Variants in SLC25A20 observed in about 807,000 individuals in gnomAD.
The protein encoded by SLC25A20 is solute carrier family 25 member 20, also known as mitochondrial carnitine/acylcarnitine carrier protein.
SLC25A20 carries 29 observed loss-of-function variants against 39.7 expected under a neutral mutation model. The ratio of observed to expected loss-of-function variants is 0.73; its 90% confidence interval spans 0.54 to 1.00. The LOEUF (loss-of-function observed/expected upper bound fraction) is 1.00, where lower values mean the gene tolerates loss of function less well. Among genes scored for constraint, SLC25A20 ranks in the 50% least tolerant of loss-of-function variants. The pLI, the probability that SLC25A20 is intolerant of heterozygous loss-of-function variation, is 0.00. For missense variants in SLC25A20, 333 were observed against 379.9 expected, an observed-to-expected ratio of 0.88 and a Z score of 1.03; for synonymous variants, 103 against 142.2, an observed-to-expected ratio of 0.72 and a Z score of 1.96.
Position 48,884,105 on chromosome 3 carries a change from C to G in SLC25A20, c.218G>C (p.Arg73Pro). ...LFREGITGLY[R>P]GMAAPIIGVT... ...CCCGATGATAGGGGCAGCCATTCCCCGATATAGCCCCGTGATGCCCTGCAA... is the reference window on the plus strand; with the variant it reads ...CCCGATGATAGGGGCAGCCATTCCCGGATATAGCCCCGTGATGCCCTGCAA... Residue 73 changes from arginine (R) to proline (P), a missense_variant, in exon 3 of 9, where the codon CGG becomes CCG. Arg to Pro is a moderately radical substitution (Grantham distance 103, BLOSUM62 -2). Transcript: ENST00000319017. The G allele has an allele frequency of 6.2e-7, 1 of 1,613,562 alleles. No individual in the cohort carries two copies. Among genetic ancestry groups the G allele is most frequent in the Non-Finnish European group, 8.5e-7 (1 of 1,179,678 alleles).
chr3:48,872,989 C>T (rs1384821811), intron 4 of SLC25A20, among the ~76,000 whole-genome samples: 7 of 152,032 alleles, frequency 4.6e-5, no homozygotes, highest in Non-Finnish European at 1.0e-4. Flanking sequence ...TTTGGGAGGC[C>T]GAGATGGGCA....
chr3:48,881,520 C>T (rs1421494220), intron 3 of SLC25A20, among the ~76,000 whole-genome samples: 1 of 152,168 alleles, frequency 6.6e-6, no homozygotes, highest in Non-Finnish European at 1.5e-5. Context: ...GAGCTAGACT[C>T]TCCTGGACTT....
chr3:48,859,071 A>G, intron 7 of SLC25A20, 21 bp downstream of exon 7: 1 of 1,599,832 alleles, frequency 6.3e-7, no homozygotes. Flanking sequence ...CCCCCTGTCC[A>G]CCCCACTACC....
chr3:48,867,709 G>A (rs2083682671), intron 4 of SLC25A20, among the ~76,000 whole-genome samples: 1 of 151,486 alleles, frequency 6.6e-6, no homozygotes, highest in Admixed American at 6.6e-5. Context: ...AGAGGAGATG[G>A]GATCCAGTGC....
chr3:48,898,628 A>T, intron 1 of SLC25A20, 62 bp downstream of exon 1: 1 of 1,450,428 alleles, frequency 6.9e-7, no homozygotes, highest in Non-Finnish European at 9.5e-7. Flanking sequence ...CTCGCGGGGG[A>T]CCATGCTTTC....
intron 2 of SLC25A20, 41 bp downstream of exon 2, chr3:48,891,939 T>A (rs1481226956): frequency 6.8e-7 from 1 of 1,464,380 alleles, no homozygotes; most frequent in Admixed American, 1.7e-5. Context: ...ACCCCGTGAA[T>A]GTGTTCTGAG....
Position 48,897,367 on chromosome 3 carries a change from A to ATTTTT in SLC25A20, c.105+1318_105+1322dup, listed in dbSNP as rs869090435. ...TGTGAATATATATATATATATATAT[A>ATTTTT]TTTTTTTTTTTTTTTTTTTTAAGGG... On this transcript the variant is annotated intron_variant, in intron 1 of 8. Transcript: ENST00000319017. Among the ~76,000 whole-genome samples the ATTTTT allele has an allele frequency of 4.5e-4, 38 of 83,714 alleles. 1 individual carries two copies. The highest frequency in any genetic ancestry group is 5.1e-4 in the Non-Finnish European group (21 of 41,516). 54.9% of individuals were successfully genotyped at this position (83,714 alleles called of 152,430 possible).
At chr3:48,865,735 C>T (rs932093101) in intron 4 of SLC25A20, among the ~76,000 whole-genome samples, 1 of 149,366 alleles carries the variant, frequency 6.7e-6, no homozygotes, top group African/African-American at 2.5e-5. Context: ...CGCCACCGCA[C>T]TCCAGCCTGG....
intron 4 of SLC25A20, among the ~76,000 whole-genome samples, chr3:48,867,411 A>ATTTTTTTTTTTTTT (rs58122933): frequency 4.6e-5 from 5 of 108,388 alleles, no homozygotes; most frequent in Admixed American, 1.2e-4. Context: ...TGCCTGGGTA[A>ATTTTTTTTTTTTTT]TTTTTTTTTT....
chr3:48,874,876 C>G (rs1407785677), intron 4 of SLC25A20, among the ~76,000 whole-genome samples: 1 of 150,836 alleles, frequency 6.6e-6, no homozygotes, highest in African/African-American at 2.4e-5. Flanking sequence ...GTGAGACCCC[C>G]CCACCACCAC....
At chr3:48,889,941 G>T (rs561543449) in intron 2 of SLC25A20, among the ~76,000 whole-genome samples, 1 of 152,146 alleles carries the variant, frequency 6.6e-6, no homozygotes, top group African/African-American at 2.4e-5. Context: ...CCTCTGTCAC[G>T]CCCGCATAAG....
rs374770429 is a variant in SLC25A20 at position 48,859,142 on chromosome 3, T to C, written c.668A>G (p.Asn223Ser). The change falls in exon 7 of 9, where the codon AAC (asparagine) becomes AGC (serine). Residue 223 changes from asparagine (N) to serine (S), a missense_variant. Coordinates refer to ENST00000319017, the MANE Select transcript of SLC25A20 (RefSeq NM_000387.6). The stretch of plus-strand genomic sequence containing the variant: ...ATCTGGGGGGATTGCCACAGCCCAG[T>C]TGAAGATCCCTGCAATGCCCCCAGC... ...LVAGGIAGIF[N>S]WAVAIPPDVL... 25 of 1,613,830 alleles carry C rather than the reference T, an allele frequency of 1.5e-5. No individual in the cohort carries two copies. The highest frequency in any genetic ancestry group is 2.7e-5 in the African/African-American group (2 of 74,862).
chr3:48,866,680 G>A lies in SLC25A20; in HGVS notation c.418-4021C>T, dbSNP rs1031279431. Among the ~76,000 whole-genome samples the A allele has an allele frequency of 4.1e-4, 4 of 9,864 alleles. No homozygotes were observed. In the African/African-American group the frequency reaches 7.1e-3, roughly 18 times the overall value. The allele number at this position is 9,864 out of a possible 152,430, so 6.5% of individuals were successfully genotyped here. A position where few individuals can be genotyped will look rare whatever the true frequency, so the allele number is the denominator to read the frequency against. ...AAAGACTGGACAGAAGTTTTTTTGA[G>A]ACAGGTTCCCGATGATCTCTGCTCA... On this transcript the variant is annotated intron_variant, in intron 4 of 8. Coordinates refer to ENST00000319017, the MANE Select transcript of SLC25A20 (RefSeq NM_000387.6).
At chr3:48,857,818 T>C (rs1240655641) in intron 8 of SLC25A20, 46 bp from the exon 9 acceptor site, 1 of 1,558,792 alleles carries the variant, frequency 6.4e-7, no homozygotes, top group Non-Finnish European at 8.8e-7. Flanking sequence ...GGAATAACTA[T>C]TCATAGACTA....
chr3:48,862,687 C>A, intron 4 of SLC25A20, 28 bp from the exon 5 acceptor site: 2 of 1,457,736 alleles, frequency 1.4e-6, no homozygotes, highest in South Asian at 1.1e-5. Flanking sequence ...ATCATTAAGT[C>A]AGAAACATCA....
Position 48,857,377 on chromosome 3 carries a change from A to C in SLC25A20, c.*333T>G, listed in dbSNP as rs2083587927. On this transcript the variant is annotated 3_prime_UTR_variant, in exon 9 of 9. Transcript: ENST00000319017. ...AGAACCTGAGATTCTCTCTTTAATG[A>C]GGAATACTTTGACTGTGGTAGGACC... 1 of 336,958 alleles carries C rather than the reference A, an allele frequency of 3.0e-6. No homozygotes were observed. The highest frequency in any genetic ancestry group is 2.8e-5 in the South Asian group (1 of 35,344). The allele number at this position is 336,958 out of a possible 1,614,324, so 20.9% of individuals were successfully genotyped here. A position where few individuals can be genotyped will look rare whatever the true frequency, so the allele number is the denominator to read the frequency against.
intron 5 of SLC25A20, among the ~76,000 whole-genome samples, chr3:48,862,009 C>T (rs1235221691): frequency 6.6e-6 from 1 of 152,076 alleles, no homozygotes; most frequent in African/African-American, 2.4e-5. Flanking sequence ...GCCTGGGCAA[C>T]AGGAGTGAAA....
At chr3:48,871,465 T>A (rs1471357081) in intron 4 of SLC25A20, among the ~76,000 whole-genome samples, 2 of 151,632 alleles carry the variant, frequency 1.3e-5, no homozygotes, top group Non-Finnish European at 2.9e-5. Flanking sequence ...TATAGATAAA[T>A]GGAGTAGAAT....
chr3:48,884,263 A>C, intron 2 of SLC25A20, 139 bp from the exon 3 acceptor site: 1 of 1,057,626 alleles, frequency 9.5e-7, no homozygotes. Flanking sequence ...AATGGAAGAA[A>C]ATCTCCCACA....
Sources: gnomAD v4.1 joint callset for allele counts (sites outside exome capture counted in the v4.1 genomes callset) on GRCh38, gnomAD v4.1.1 for gene constraint, MANE v1.5 for transcripts, NCBI Gene and HGNC (gene_info 2026-07-23, HGNC 2026-07-21) for gene names.